The following RGS6 variants were observed in gnomAD, a reference collection of about 807,000 sequenced individuals.
RGS6 encodes the protein regulator of G-protein signaling 6.
In RGS6, 30 loss-of-function variants were observed where a neutral mutation model predicts 78.5. That is an observed-to-expected ratio of 0.38 (90% confidence interval 0.29 to 0.52). The LOEUF is 0.52. RGS6 is among the 20% of genes least tolerant of loss of function. RGS6 has a pLI of 0.85. For synonymous variants in RGS6, 206 were observed against 206.0 expected, an observed-to-expected ratio of 1.00 and a Z score of 0.00; for missense variants, 495 against 609.7, an observed-to-expected ratio of 0.81 and a Z score of 1.98.
At chr14:72,080,757 C>A (rs951804126) in intron 2 of RGS6, among the ~76,000 whole-genome samples, 5 of 152,100 alleles carry the variant, frequency 3.3e-5, no homozygotes, top group Non-Finnish European at 7.4e-5. Context: ...TTTCCCAACA[C>A]CATTTATTTA....
Position 72,529,045 on chromosome 14 carries a change from C to A in RGS6, c.1279-7141C>A, listed in dbSNP as rs537833265. 2.0e-5 allele frequency among the ~76,000 whole-genome samples: 3 copies of A among 152,336 alleles called. No homozygotes were observed. The South Asian group carries it at 6.2e-4, about 32-fold the overall frequency. The stretch of plus-strand genomic sequence containing the variant: ...AAAATCTCAGTTTTCTGTTCACCCA[C>A]CCCCGTTTACTGTCTTTGTGTTTCC... On this transcript the variant is annotated intron_variant, in intron 15 of 17. Transcript: ENST00000553525.
chr14:72,311,233 C>A (rs952205680), intron 2 of RGS6, among the ~76,000 whole-genome samples: 1 of 152,186 alleles, frequency 6.6e-6, no homozygotes, highest in Non-Finnish European at 1.5e-5. Flanking sequence ...TGACTAAGAG[C>A]CTCATGTACT....
At chr14:72,338,448 A>C (rs1291903738) in intron 2 of RGS6, among the ~76,000 whole-genome samples, 1 of 152,186 alleles carries the variant, frequency 6.6e-6, no homozygotes, top group African/African-American at 2.4e-5. Flanking sequence ...GTAGGGGGGA[A>C]ACCCATGATT....
At chr14:72,444,985 G>A (rs2095326944) in intron 3 of RGS6, among the ~76,000 whole-genome samples, 1 of 152,242 alleles carries the variant, frequency 6.6e-6, no homozygotes. Context: ...GAAGCCAGTT[G>A]AGCAGCGAGG....
At chr14:72,396,601 A>G (rs199545632) in intron 3 of RGS6, among the ~76,000 whole-genome samples, 2 of 152,094 alleles carry the variant, frequency 1.3e-5, no homozygotes, top group Non-Finnish European at 2.9e-5. Context: ...TTGGTGTTTT[A>G]GACATGAAGT....
intron 3 of RGS6, among the ~76,000 whole-genome samples, chr14:72,388,792 AC>A (rs2089086468): frequency 6.6e-6 from 1 of 151,966 alleles, no homozygotes; most frequent in South Asian, 2.1e-4. Flanking sequence ...ACTTTACTTT[AC>A]TTCTTTGTGC....
chr14:71,911,807 G>A, the RGS6 span, among the ~76,000 whole-genome samples: 3 of 152,210 alleles, frequency 2.0e-5, no homozygotes, highest in Admixed American at 6.5e-5. Context: ...GGTGGAAACC[G>A]AAAGCAGGCA....
intron 2 of RGS6, among the ~76,000 whole-genome samples, chr14:72,210,874 T>G (rs1480403483): frequency 6.6e-6 from 1 of 152,172 alleles, no homozygotes; most frequent in African/African-American, 2.4e-5. Context: ...CAAATGGTAC[T>G]CTGTAATTGA....
At chr14:72,574,162 C>T in the RGS6 span, among the ~76,000 whole-genome samples, 2 of 152,220 alleles carry the variant, frequency 1.3e-5, no homozygotes, top group East Asian at 1.9e-4. Flanking sequence ...ACACTTCTCA[C>T]TCCTAAGCCT....
At chr14:72,543,887 C>G (rs1459959460) in intron 17 of RGS6, among the ~76,000 whole-genome samples, 1 of 152,222 alleles carries the variant, frequency 6.6e-6, no homozygotes, top group Non-Finnish European at 1.5e-5. Flanking sequence ...AGGCACACGC[C>G]ACCACACCCG....
intron 2 of RGS6, among the ~76,000 whole-genome samples, chr14:72,292,813 A>G (rs1396882888): frequency 6.6e-6 from 1 of 152,246 alleles, no homozygotes; most frequent in Non-Finnish European, 1.5e-5. Context: ...TGCATGAGGA[A>G]TTGAAATCTC....
intron 11 of RGS6, among the ~76,000 whole-genome samples, chr14:72,477,730 G>A (rs1472464222): frequency 6.6e-6 from 1 of 151,034 alleles, no homozygotes; most frequent in Non-Finnish European, 1.5e-5. Flanking sequence ...CTGAGAGGTG[G>A]AGGTTGCAGT....
intron 2 of RGS6, among the ~76,000 whole-genome samples, chr14:72,243,090 T>C (rs1426793624): frequency 6.6e-6 from 1 of 152,064 alleles, no homozygotes; most frequent in Non-Finnish European, 1.5e-5. Context: ...GACCTGACGA[T>C]CCACCCGCCT....
At chr14:72,150,367 C>G (rs2096666421) in intron 2 of RGS6, among the ~76,000 whole-genome samples, 2 of 152,056 alleles carry the variant, frequency 1.3e-5, no homozygotes, top group African/African-American at 4.8e-5. Context: ...AGACTTCGGG[C>G]CTCTAAAACT....
At chr14:71,985,577 C>G (rs1044547278) in intron 2 of RGS6, among the ~76,000 whole-genome samples, 1 of 152,136 alleles carries the variant, frequency 6.6e-6, no homozygotes. Flanking sequence ...TCTGGAAGGT[C>G]AATATTGATT....
chr14:72,516,107 C>T (rs2096939498), intron 14 of RGS6, among the ~76,000 whole-genome samples: 1 of 152,236 alleles, frequency 6.6e-6, no homozygotes, highest in Admixed American at 6.5e-5. Context: ...ACATTTGACC[C>T]CTTCTGGGCC....
intron 2 of RGS6, among the ~76,000 whole-genome samples, chr14:72,272,686 G>A (rs1289942586): frequency 1.3e-5 from 2 of 152,134 alleles, no homozygotes; most frequent in Admixed American, 1.3e-4. Context: ...TCATTGTAAT[G>A]CAGTGTTCAC....
intron 2 of RGS6, among the ~76,000 whole-genome samples, chr14:72,029,148 C>G (rs377661355): frequency 1.3e-5 from 2 of 152,204 alleles, no homozygotes; most frequent in South Asian, 4.1e-4. Context: ...ATAGCAGGAA[C>G]CAGTTTTTCT....
chr14:72,123,205 C>T (rs2096100419), intron 2 of RGS6, among the ~76,000 whole-genome samples: 1 of 152,180 alleles, frequency 6.6e-6, no homozygotes, highest in African/African-American at 2.4e-5. Context: ...CCTGCATCAC[C>T]TCCCAAAGTG....
Sources: allele counts gnomAD v4.1 joint callset (sites outside exome capture counted in the v4.1 genomes callset), GRCh38; gene constraint gnomAD v4.1.1; transcripts MANE v1.5; gene names NCBI Gene and HGNC (gene_info 2026-07-23, HGNC 2026-07-21).